Variants in ADGRB3 observed in about 807,000 individuals in gnomAD.
ADGRB3 encodes brain-specific angiogenesis inhibitor 3.
ADGRB3 carries 37 observed loss-of-function variants against 193.4 expected under a neutral mutation model. The ratio of observed to expected loss-of-function variants is 0.19; its 90% confidence interval spans 0.15 to 0.25. The LOEUF is 0.25. Ranked by LOEUF, ADGRB3 falls within the 10% of genes least tolerant of loss-of-function variation. The pLI is 1.00. For synonymous variants in ADGRB3, 690 were observed against 644.2 expected (o/e 1.07, Z -1.08); for missense variants, 1,637 against 1,852.9 (o/e 0.88, Z 2.14).
At chr6:69,062,533 G>A in intron 15 of ADGRB3, among the ~76,000 whole-genome samples, 1 of 151,714 alleles carries the variant, frequency 6.6e-6, no homozygotes, top group East Asian at 1.9e-4. Flanking sequence ...CACCAAGACA[G>A]CACATTGCAA....
At chr6:69,352,896 G>T in intron 26 of ADGRB3, among the ~76,000 whole-genome samples, 1 of 152,244 alleles carries the variant, frequency 6.6e-6, no homozygotes, top group East Asian at 1.9e-4. Flanking sequence ...AACCTTATTA[G>T]TCCCTATAAT....
At chr6:68,761,457 A>C (rs1253256479) in intron 3 of ADGRB3, among the ~76,000 whole-genome samples, 1 of 151,304 alleles carries the variant, frequency 6.6e-6, no homozygotes, top group Non-Finnish European at 1.5e-5. Context: ...CAGTTACTAC[A>C]TATTTCTTTG....
intron 17 of ADGRB3, chr6:69,232,350 G>T (rs776245501): frequency 1.7e-4 from 217 of 1,296,610 alleles, no homozygotes; most frequent in Non-Finnish European, 2.0e-4. Flanking sequence ...CCCCCACCAC[G>T]AACAAGACGT....
At chr6:68,983,125 A>G (rs1768973450) in intron 10 of ADGRB3, among the ~76,000 whole-genome samples, 1 of 152,198 alleles carries the variant, frequency 6.6e-6, no homozygotes, top group Admixed American at 6.6e-5. Context: ...ATTATAAAAA[A>G]GAAAAATAAT....
chr6:69,064,078 T>G (rs775218356), intron 16 of ADGRB3, among the ~76,000 whole-genome samples: 1 of 152,044 alleles, frequency 6.6e-6, no homozygotes, highest in Non-Finnish European at 1.5e-5. Context: ...TTCTTTTGGC[T>G]GTAAAATTTG....
chr6:69,335,788 A>G (rs1326616069), intron 24 of ADGRB3, among the ~76,000 whole-genome samples: 3 of 152,066 alleles, frequency 2.0e-5, no homozygotes, highest in Non-Finnish European at 2.9e-5. Context: ...ATATACACAT[A>G]TATCAAGCAT....
intron 3 of ADGRB3, among the ~76,000 whole-genome samples, chr6:68,880,064 G>A (rs1880177): frequency 0.094 from 14,250 of 152,098 alleles, 884 homozygotes; most frequent in Non-Finnish European, 0.13. Flanking sequence ...TAATAATAGC[G>A]AGACATGGTC....
chr6:69,153,125 C>T (rs1242181400), intron 17 of ADGRB3, among the ~76,000 whole-genome samples: 2 of 151,704 alleles, frequency 1.3e-5, no homozygotes, highest in Admixed American at 6.6e-5. Context: ...ACCTATGAAA[C>T]CCTGCATGCA....
intron 13 of ADGRB3, among the ~76,000 whole-genome samples, chr6:69,030,943 C>A (rs1457133927): frequency 2.8e-4 from 17 of 60,580 alleles, no homozygotes; most frequent in Admixed American, 1.8e-3. Context: ...TTTTAATTTT[C>A]TTTTCTTTTC....
At chr6:69,342,164 C>A (rs1013602680) in intron 26 of ADGRB3, among the ~76,000 whole-genome samples, 1 of 152,070 alleles carries the variant, frequency 6.6e-6, no homozygotes, top group African/African-American at 2.4e-5. Flanking sequence ...ATAAATGCTT[C>A]TGCTAAAGTA....
intron 3 of ADGRB3, among the ~76,000 whole-genome samples, chr6:68,923,654 A>C (rs1218069585): frequency 6.6e-6 from 1 of 152,056 alleles, no homozygotes; most frequent in Non-Finnish European, 1.5e-5. Context: ...TCTACACTGC[A>C]CTGTTATAAT....
chr6:69,269,598 T>A (rs1359407858), intron 20 of ADGRB3, among the ~76,000 whole-genome samples: 1 of 152,136 alleles, frequency 6.6e-6, no homozygotes, highest in Non-Finnish European at 1.5e-5. Context: ...TCTAAGGGAG[T>A]CAATGCTAAC....
At chr6:69,196,362 A>G (rs1441471028) in intron 17 of ADGRB3, among the ~76,000 whole-genome samples, 2 of 152,072 alleles carry the variant, frequency 1.3e-5, no homozygotes, top group African/African-American at 2.4e-5. Flanking sequence ...ACCATAACAA[A>G]GTACCACGGT....
chr6:69,375,069 A>G (rs1016836876), intron 30 of ADGRB3, among the ~76,000 whole-genome samples: 2 of 152,122 alleles, frequency 1.3e-5, no homozygotes, highest in African/African-American at 4.8e-5. Flanking sequence ...AAATTTACCT[A>G]AACAGGTGTC....
At chr6:68,735,639 T>C (rs1191197107) in intron 3 of ADGRB3, among the ~76,000 whole-genome samples, 1 of 152,104 alleles carries the variant, frequency 6.6e-6, no homozygotes, top group Non-Finnish European at 1.5e-5. Context: ...TATAATGAAA[T>C]TATGAGGAAA....
chr6:69,031,568 C>CTTTCTTTCTTTCT (rs1470963236), intron 13 of ADGRB3, among the ~76,000 whole-genome samples: 3 of 2,756 alleles, frequency 1.1e-3, no homozygotes, highest in Admixed American at 5.4e-3. Flanking sequence ...TCTTTCTTTT[C>CTTTCTTTCTTTCT]TTCCTCTGTC....
chr6:68,884,047 C>A (rs973561724), intron 3 of ADGRB3, among the ~76,000 whole-genome samples: 1 of 152,138 alleles, frequency 6.6e-6, no homozygotes, highest in African/African-American at 2.4e-5. Context: ...ATTCAGAGTG[C>A]TTTGTTTGGC....
At chr6:68,852,516 A>G (rs539945939) in intron 3 of ADGRB3, among the ~76,000 whole-genome samples, 18 of 152,142 alleles carry the variant, frequency 1.2e-4, no homozygotes, top group Admixed American at 5.9e-4. Flanking sequence ...CACTTTAGCT[A>G]TAGCTGAAAA....
chr6:68,712,193 A>G (rs1305542943), intron 3 of ADGRB3, among the ~76,000 whole-genome samples: 2 of 152,020 alleles, frequency 1.3e-5, no homozygotes, highest in African/African-American at 4.8e-5. Flanking sequence ...ATTTATGCGT[A>G]TAACATCATT....
Sources: allele counts gnomAD v4.1 joint callset (sites outside exome capture counted in the v4.1 genomes callset), GRCh38; gene constraint gnomAD v4.1.1; transcripts MANE v1.5; gene names NCBI Gene and HGNC (gene_info 2026-07-23, HGNC 2026-07-21).